Variants in NBEA observed in about 807,000 individuals in gnomAD.
NBEA encodes neurobeachin.
NBEA carries 44 observed loss-of-function variants against 343.4 expected under a neutral mutation model. That is an observed-to-expected ratio of 0.13 (90% CI 0.10 to 0.16). The LOEUF (loss-of-function observed/expected upper bound fraction) is 0.16, where lower values mean the gene tolerates loss of function less well. Ranked by LOEUF, NBEA falls within the 10% of genes least tolerant of loss-of-function variation. NBEA has a pLI of 1.00. For synonymous variants in NBEA, 1,175 were observed against 1,238.7 expected (o/e 0.95, Z 1.08); for missense variants, 2,555 against 3,631.3 (o/e 0.70, Z 7.62).
chr13:35,411,257 C>T (rs1424777657), intron 38 of NBEA, among the ~76,000 whole-genome samples: 14 of 152,192 alleles, frequency 9.2e-5, no homozygotes. Context: ...GATTTTGGCA[C>T]CCATCCAGTG....
intron 8 of NBEA, among the ~76,000 whole-genome samples, chr13:35,064,490 T>C (rs1183766214): frequency 6.6e-6 from 1 of 152,048 alleles, no homozygotes; most frequent in Non-Finnish European, 1.5e-5. Flanking sequence ...TAATGCCCAA[T>C]TGTTATAATT....
intron 34 of NBEA, among the ~76,000 whole-genome samples, chr13:35,276,013 G>C (rs1339538270): frequency 3.9e-5 from 6 of 152,056 alleles, no homozygotes; most frequent in Non-Finnish European, 8.8e-5. Flanking sequence ...TTTAAAAAAA[G>C]AAGAGATGAG....
At chr13:35,530,372 T>A (rs74042324) in intron 41 of NBEA, among the ~76,000 whole-genome samples, 2,848 of 152,264 alleles carry the variant, frequency 0.019, 99 homozygotes, top group African/African-American at 0.065. Context: ...TTTCCTGACA[T>A]GCCTGACAGG....
chr13:35,605,090 C>T (rs892381048), intron 47 of NBEA, among the ~76,000 whole-genome samples: 1 of 152,060 alleles, frequency 6.6e-6, no homozygotes, highest in African/African-American at 2.4e-5. Flanking sequence ...AAGTAAATGT[C>T]AGAGAAATAT....
chr13:35,248,232 G>C (rs1465308167), intron 34 of NBEA, among the ~76,000 whole-genome samples: 2 of 152,048 alleles, frequency 1.3e-5, no homozygotes, highest in African/African-American at 4.8e-5. Context: ...ACTGAATTTG[G>C]CAACATATTA....
chr13:35,568,207 C>T (rs1165180546), intron 45 of NBEA, among the ~76,000 whole-genome samples: 6 of 152,138 alleles, frequency 3.9e-5, no homozygotes, highest in South Asian at 2.1e-4. Context: ...TGTTCTTATG[C>T]GTCATTCAGT....
intron 10 of NBEA, among the ~76,000 whole-genome samples, chr13:35,085,535 C>G (rs2064704722): frequency 6.6e-6 from 1 of 152,064 alleles, no homozygotes; most frequent in African/African-American, 2.4e-5. Context: ...ATTCAACAAC[C>G]TTCATGCTAA....
intron 41 of NBEA, among the ~76,000 whole-genome samples, chr13:35,530,085 T>C (rs2078182290): frequency 1.3e-5 from 2 of 152,234 alleles, no homozygotes; most frequent in African/African-American, 4.8e-5. Context: ...AAGCTTTGTA[T>C]CTGTTTTTCT....
At chr13:35,042,861 G>T (rs58278699) in intron 2 of NBEA, among the ~76,000 whole-genome samples, 6,469 of 151,638 alleles carry the variant, frequency 0.043, 243 homozygotes, top group African/African-American at 0.097. Context: ...ACTAAAACAC[G>T]ACTAACAGTT....
At chr13:35,599,225 A>G (rs948896617) in intron 47 of NBEA, among the ~76,000 whole-genome samples, 3 of 152,168 alleles carry the variant, frequency 2.0e-5, no homozygotes, top group African/African-American at 7.2e-5. Flanking sequence ...AGCCAGAATC[A>G]TGTGTTAAAT....
At chr13:35,317,080 A>G (rs1304547133) in intron 36 of NBEA, among the ~76,000 whole-genome samples, 2 of 152,076 alleles carry the variant, frequency 1.3e-5, no homozygotes, top group Non-Finnish European at 2.9e-5. Flanking sequence ...CTGTGATGAT[A>G]GTTTCTTTTG....
At chr13:35,428,330 C>A (rs1403004041) in intron 38 of NBEA, among the ~76,000 whole-genome samples, 4 of 152,198 alleles carry the variant, frequency 2.6e-5, no homozygotes, top group Non-Finnish European at 5.9e-5. Flanking sequence ...CCGACTTTCT[C>A]CTCTCCTTCT....
In NBEA at chr13:35,040,968, T is replaced by C. The variant is rs1460122765; in HGVS notation, c.330T>C (p.Phe110=). The part of the protein sequence containing the change: ...VGGEFDLEMN[F]IIQDAESITC... The stretch of plus-strand genomic sequence containing the variant: ...GAGAATTTGACTTGGAGATGAACTT[T>C]ATTATCCAGGATGCTGAGAGTATAA... Residue 110 remains phenylalanine (F), a synonymous_variant, in exon 2 of 59, where the codon TTT becomes TTC. Transcript: ENST00000379939. 4.3e-6 allele frequency: 7 copies of C among 1,613,198 alleles called. 1 individual carries two copies. The South Asian group carries it at 4.4e-5, about 10-fold the overall frequency.
At chr13:35,476,860 A>G in intron 41 of NBEA, 2 of 982,684 alleles carry the variant, frequency 2.0e-6, no homozygotes, top group East Asian at 1.1e-4. Flanking sequence ...TGCCGGCGGA[A>G]AACCACTCAG....
rs778055824 is a variant in NBEA at position 34,942,818 on chromosome 13, C to G, written c.-3C>G. On this transcript the variant is annotated 5_prime_UTR_variant, in exon 1 of 59. Coordinates refer to ENST00000379939, the MANE Select transcript of NBEA (RefSeq NM_001385012.1). ...TCTTCCCTTCTCCTCAGGAGGGGGG[C>G]CAATGGCTAGCGAGAAGCCGGGCCC... 381 of 1,359,750 alleles carry G rather than the reference C, an allele frequency of 2.8e-4. 2 individuals carry two copies. The highest frequency in any genetic ancestry group is 1.4e-3 in the Middle Eastern group (5 of 3,678). 84.2% of individuals were successfully genotyped at this position (1,359,750 alleles called of 1,614,324 possible).
chr13:35,160,578 C>T (rs1342696435), intron 22 of NBEA, among the ~76,000 whole-genome samples: 1 of 152,098 alleles, frequency 6.6e-6, no homozygotes. Context: ...TTAATCCTCA[C>T]AACAACCCTG....
intron 17 of NBEA, among the ~76,000 whole-genome samples, chr13:35,126,018 A>T (rs553468347): frequency 6.6e-6 from 1 of 152,254 alleles, no homozygotes; most frequent in Admixed American, 6.5e-5. Context: ...AGAAATGTTA[A>T]CATAGTGATA....
chr13:35,326,391 G>T (rs1238587394), intron 36 of NBEA, among the ~76,000 whole-genome samples: 6 of 151,904 alleles, frequency 3.9e-5, no homozygotes, highest in African/African-American at 1.5e-4. Context: ...GGAGGGAAAG[G>T]GGAACTATTA....
At chr13:35,104,966 A>G (rs1399562406) in intron 11 of NBEA, among the ~76,000 whole-genome samples, 1 of 152,016 alleles carries the variant, frequency 6.6e-6, no homozygotes, top group Non-Finnish European at 1.5e-5. Flanking sequence ...TATTCTTGGC[A>G]GGGAACAGAT....
Sources: allele counts gnomAD v4.1 joint callset (sites outside exome capture counted in the v4.1 genomes callset), GRCh38; gene constraint gnomAD v4.1.1; transcripts MANE v1.5; gene names NCBI Gene and HGNC (gene_info 2026-07-23, HGNC 2026-07-21).